GPBP1L1: variants seen among roughly 807,000 people sequenced by gnomAD.
GPBP1L1 encodes the protein vasculin-like protein 1.
In GPBP1L1, 23 loss-of-function variants were observed where a neutral mutation model predicts 52.5. The observed-to-expected ratio is 0.44, with a 90% CI of 0.32 to 0.62. The LOEUF (loss-of-function observed/expected upper bound fraction) is 0.62. Among genes scored for constraint, GPBP1L1 ranks in the 20% least tolerant of loss-of-function variants. The pLI is 0.06. For missense variants in GPBP1L1, 596 were observed against 579.3 expected, an observed-to-expected ratio of 1.03 and a Z score of -0.30; for synonymous variants, 243 against 203.1, an observed-to-expected ratio of 1.20 and a Z score of -1.67.
intron 2 of GPBP1L1, among the ~76,000 whole-genome samples, chr1:45,678,556 G>T (rs1202584773): frequency 6.6e-6 from 1 of 152,048 alleles, no homozygotes; most frequent in African/African-American, 2.4e-5. Context: ...CAATCTGTCA[G>T]CTATAAACTT....
chr1:45,670,783 ATGTCT>A (rs1645064416), intron 2 of GPBP1L1, among the ~76,000 whole-genome samples: 1 of 137,182 alleles, frequency 7.3e-6, no homozygotes, highest in African/African-American at 2.7e-5. Flanking sequence ...CTACTACCAT[ATGTCT>A]TTTTTTTTTT....
rs943996517 is a variant in GPBP1L1 at position 45,642,487 on chromosome 1, G to A, written c.490C>T (p.Pro164Ser). 8.7e-6 allele frequency: 14 copies of A among 1,613,798 alleles called. No individual in the cohort carries two copies. The highest frequency in any genetic ancestry group is 1.2e-5 in the Non-Finnish European group (14 of 1,179,838). ...FEEEDFPSLNPEAGKQHQPCR... is the reference protein window; with the variant it reads ...FEEEDFPSLNSEAGKQHQPCR... ...GGCTGATGCTGTTTGCCAGCTTCTG[G>A]ATTCAAGGAAGGCTAGGAAAAAAGG... is the stretch of plus-strand genomic sequence containing the variant. Residue 164 changes from proline (P) to serine (S), a missense_variant, in exon 7 of 13, where the codon CCA becomes TCA. By Grantham distance (74) the Pro-to-Ser change is moderately conservative (BLOSUM62 -1). Transcript: ENST00000355105.
At position 45,633,565 on chromosome 1, in the gene GPBP1L1, C is replaced by A; in HGVS notation, c.968G>T (p.Ser323Ile). The A allele has an allele frequency of 2.5e-6, 4 of 1,614,070 alleles. No individual in the cohort carries two copies. Among genetic ancestry groups the A allele is most frequent in the Non-Finnish European group, 3.4e-6 (4 of 1,180,000 alleles). Residue 323 changes from serine to isoleucine, a missense_variant, in exon 10 of 13, where the codon AGT becomes ATT. Physicochemically the swap from Ser to Ile is moderately radical, Grantham distance 142 (BLOSUM62 -2). Transcript: ENST00000355105. ...KLTRRTTDRK[S>I]EFLKTLKDDR... ...ATCCTTCAGAGTTTTCAGGAACTCA[C>A]TCTTCCTGTCGGTGGTTCGGCGGGT... is the stretch of plus-strand genomic sequence containing the variant.
At chr1:45,669,621 C>A (rs1461612572) in intron 2 of GPBP1L1, among the ~76,000 whole-genome samples, 2 of 103,192 alleles carry the variant, frequency 1.9e-5, no homozygotes, top group Non-Finnish European at 4.1e-5. Context: ...GGTATGACCC[C>A]CCCTCCAACC....
chr1:45,646,079 C>A (rs1315297683), intron 6 of GPBP1L1: 14 of 467,330 alleles, frequency 3.0e-5, no homozygotes, highest in Non-Finnish European at 5.8e-5. Context: ...GCTTCATCAT[C>A]ACAGCTAGAA....
intron 6 of GPBP1L1, among the ~76,000 whole-genome samples, chr1:45,649,331 T>C (rs565238650): frequency 3.9e-5 from 6 of 152,334 alleles, no homozygotes; most frequent in African/African-American, 1.2e-4. Context: ...TTATTCAAAT[T>C]GTCCCACTGA....
At chr1:45,677,210 C>G (rs2148514276) in intron 2 of GPBP1L1, among the ~76,000 whole-genome samples, 2 of 152,104 alleles carry the variant, frequency 1.3e-5, no homozygotes, top group African/African-American at 4.8e-5. Flanking sequence ...GTGGCGCATG[C>G]CTGTAGTCCC....
intron 6 of GPBP1L1, among the ~76,000 whole-genome samples, chr1:45,649,739 T>C (rs1022471341): frequency 6.6e-6 from 1 of 152,220 alleles, no homozygotes; most frequent in Non-Finnish European, 1.5e-5. Context: ...TCTATGAGTT[T>C]TTAAAATGCT....
At chr1:45,646,144 T>C in intron 6 of GPBP1L1, 1 of 387,234 alleles carries the variant, frequency 2.6e-6, no homozygotes, top group Non-Finnish European at 5.0e-6. Flanking sequence ...TCCCTCTCTT[T>C]TCGGCATTGG....
chr1:45,655,590 A>C (rs1644875999), intron 4 of GPBP1L1: 2 of 268,448 alleles, frequency 7.5e-6, no homozygotes, highest in Non-Finnish European at 1.4e-5. Context: ...CGGAGGGGAA[A>C]AAAGCCTTGC....
At chr1:45,670,651 C>A (rs991419271) in intron 2 of GPBP1L1, among the ~76,000 whole-genome samples, 2 of 151,946 alleles carry the variant, frequency 1.3e-5, no homozygotes, top group Non-Finnish European at 2.9e-5. Context: ...GAAAAAAAAA[C>A]TGTCCCAGAA....
intron 2 of GPBP1L1, among the ~76,000 whole-genome samples, chr1:45,662,877 C>T (rs1034988861): frequency 6.6e-6 from 1 of 151,608 alleles, no homozygotes; most frequent in Admixed American, 6.6e-5. Flanking sequence ...ATGGTGAAAC[C>T]CCGTCACTAC....
intron 10 of GPBP1L1, among the ~76,000 whole-genome samples, chr1:45,633,265 C>T (rs1057431452): frequency 3.9e-5 from 6 of 152,170 alleles, no homozygotes; most frequent in African/African-American, 1.4e-4. Flanking sequence ...CCAAGATGTA[C>T]TTCAATAGGT....
chr1:45,667,235 A>C (rs964819186), intron 2 of GPBP1L1, among the ~76,000 whole-genome samples: 1 of 152,196 alleles, frequency 6.6e-6, no homozygotes, highest in Non-Finnish European at 1.5e-5. Flanking sequence ...TAAAGCAGTC[A>C]ATGTTAATAT....
chr1:45,663,367 C>T (rs963697884), intron 2 of GPBP1L1, among the ~76,000 whole-genome samples: 4 of 152,146 alleles, frequency 2.6e-5, no homozygotes, highest in Non-Finnish European at 5.9e-5. Flanking sequence ...CCACTAGGTA[C>T]CTTCCGGTTT....
intron 6 of GPBP1L1, chr1:45,651,755 T>C (rs1223802000): frequency 2.9e-6 from 1 of 348,332 alleles, no homozygotes; most frequent in Non-Finnish European, 5.2e-6. Context: ...CACCACTTTC[T>C]TGGCTCTGCT....
intron 3 of GPBP1L1, 37 bp downstream of exon 3, chr1:45,660,147 G>C (rs1489061234): frequency 1.0e-6 from 1 of 975,316 alleles, no homozygotes; most frequent in African/African-American, 1.8e-5. Flanking sequence ...TATACATAGA[G>C]TCTTCTTTCC....
intron 2 of GPBP1L1, among the ~76,000 whole-genome samples, chr1:45,673,743 T>C (rs1447033155): frequency 6.6e-6 from 1 of 152,104 alleles, no homozygotes; most frequent in African/African-American, 2.4e-5. Context: ...ATGCCTGTAA[T>C]CCCAGCTAGT....
intron 8 of GPBP1L1, chr1:45,635,086 A>T (rs1220101582): frequency 6.6e-6 from 1 of 152,190 alleles, no homozygotes; most frequent in Non-Finnish European, 1.5e-5. Flanking sequence ...TTAGGAAAGG[A>T]ATTAACTTTA....
Sources: allele counts gnomAD v4.1 joint callset (sites outside exome capture counted in the v4.1 genomes callset), GRCh38; gene constraint gnomAD v4.1.1; transcripts MANE v1.5; gene names NCBI Gene and HGNC (gene_info 2026-07-23, HGNC 2026-07-21).